The following KIF1A variants were observed in gnomAD, a reference collection of about 807,000 sequenced individuals.
KIF1A encodes kinesin-like protein KIF1A.
KIF1A carries 46 observed loss-of-function variants against 227.3 expected under a neutral mutation model. That is an observed-to-expected ratio of 0.20 (90% confidence interval 0.16 to 0.26). The LOEUF is 0.26. KIF1A is among the 10% of genes least tolerant of loss of function. KIF1A has a pLI of 1.00. For missense variants in KIF1A, 1,683 were observed against 2,485.9 expected (o/e 0.68, Z 6.87); for synonymous variants, 1,022 against 1,012.8 (o/e 1.01, Z -0.17).
chr2:240,792,291 C>T lies in KIF1A; in HGVS notation c.107-2979G>A, dbSNP rs1243523092. On this transcript the variant is annotated intron_variant, in intron 2 of 48. Coordinates refer to ENST00000498729, the MANE Select transcript of KIF1A (RefSeq NM_001244008.2). The surrounding 1 kb of genome is among the most constrained non-coding windows in gnomAD (Gnocchi z 4.5). ...TTTTGCCAGGGTCTGGAATTTTTTC[C>T]TTGTGCAGGTTTGAGGAGGGAGGAG... 6.6e-6 allele frequency among the ~76,000 whole-genome samples: 1 copy of T among 152,012 alleles called. No individual in the cohort carries two copies. The highest frequency in any genetic ancestry group is 1.5e-5 in the Non-Finnish European group (1 of 67,970).
rs1044528243 is a variant in KIF1A at position 240,789,349 on chromosome 2, G to A, written c.107-37C>T. On this transcript the variant is annotated intron_variant, in intron 2 of 48. Coordinates refer to ENST00000498729, the MANE Select transcript of KIF1A (RefSeq NM_001244008.2). The surrounding 1 kb of genome is among the most constrained non-coding windows in gnomAD (Gnocchi z 4.8). Reference sequence around the variant, plus strand: ...AACACAGGTGGTTAGCGCTGTGCTGGGAGGGCCCCTGACTAGCTGGCATCT... The same window carrying A: ...AACACAGGTGGTTAGCGCTGTGCTGAGAGGGCCCCTGACTAGCTGGCATCT... The A allele has an allele frequency of 5.8e-6, 9 of 1,549,966 alleles. No homozygotes were observed. The highest frequency in any genetic ancestry group is 1.4e-5 in the African/African-American group (1 of 73,350).
intron 1 of KIF1A, among the ~76,000 whole-genome samples, chr2:240,807,239 G>A (rs1054694169): frequency 1.3e-4 from 20 of 151,890 alleles, no homozygotes; most frequent in Middle Eastern, 3.4e-3. Context: ...TCTGCCTCCC[G>A]GGTTCAAGCG....
In KIF1A at chr2:240,761,545, G is replaced by T. The variant is rs1008411371; in HGVS notation, c.2117-168C>A. ...TGGTTATCAGGTAACAAGATGGAAG[G>T]CTGGAAGGTTACTCCCCCTGTGGTC... is the stretch of plus-strand genomic sequence containing the variant. On this transcript the variant is annotated intron_variant, in intron 23 of 48. Transcript: ENST00000498729. 6.6e-5 allele frequency among the ~76,000 whole-genome samples: 10 copies of T among 152,312 alleles called. 1 individual carries two copies. The South Asian group carries it at 8.3e-4, about 13-fold the overall frequency.
chr2:240,780,814 A>ACACACACACACAGCTC, intron 10 of KIF1A, among the ~76,000 whole-genome samples: 1 of 91,372 alleles, frequency 1.1e-5, no homozygotes, highest in East Asian at 3.3e-4. Flanking sequence ...ACACACACAC[A>ACACACACACACAGCTC]CACACACACA....
intron 1 of KIF1A, among the ~76,000 whole-genome samples, chr2:240,814,791 C>G (rs1459686805): frequency 6.6e-6 from 1 of 152,130 alleles, no homozygotes; most frequent in Non-Finnish European, 1.5e-5. Context: ...GTGATACATG[C>G]CCATAGTCCC....
At chr2:240,767,149 G>T in intron 18 of KIF1A, 117 bp downstream of exon 18, 2 of 1,120,596 alleles carry the variant, frequency 1.8e-6, no homozygotes, top group Non-Finnish European at 2.6e-6. Context: ...CAGTGGGGTC[G>T]CTGGGGAAGT....
intron 41 of KIF1A, among the ~76,000 whole-genome samples, 177 bp downstream of exon 41, chr2:240,723,798 C>T (rs145086212): frequency 4.6e-5 from 7 of 152,326 alleles, no homozygotes; most frequent in African/African-American, 7.2e-5. Context: ...AGCCAGCAGG[C>T]CTGACTCTCC....
rs1415454148 is a variant in KIF1A at position 240,775,553 on chromosome 2, C to A, written c.958+298G>T. Among the ~76,000 whole-genome samples the A allele has an allele frequency of 6.6e-6, 1 of 152,222 alleles. No individual in the cohort carries two copies. The highest frequency in any genetic ancestry group is 2.4e-5 in the African/African-American group (1 of 41,454). On this transcript the variant is annotated intron_variant, in intron 11 of 48. Transcript: ENST00000498729. This position sits in a 1 kb window ranked among gnomAD's most constrained non-coding sequence, Gnocchi z 5.5. ...ACCAAGGCCCAGAGAAGGATGAGTACTTGGCCTGGGTGTCACAGCCCACCT... is the reference window on the plus strand; with the variant it reads ...ACCAAGGCCCAGAGAAGGATGAGTAATTGGCCTGGGTGTCACAGCCCACCT...
intron 10 of KIF1A, chr2:240,781,956 C>T (rs563535903): frequency 2.0e-6 from 2 of 985,444 alleles, no homozygotes; most frequent in African/African-American, 3.5e-5. Flanking sequence ...ACACAGCCAC[C>T]GCCGAGTTCC....
chr2:240,808,091 G>A (rs1163105829), intron 1 of KIF1A, among the ~76,000 whole-genome samples: 2 of 152,156 alleles, frequency 1.3e-5, no homozygotes, highest in Non-Finnish European at 2.9e-5. Flanking sequence ...TCAGAAACAA[G>A]TCCAGGATGC....
Position 240,740,412 on chromosome 2 carries a change from C to A in KIF1A, c.3750-48G>T. 1 of 1,500,498 alleles carries A rather than the reference C, an allele frequency of 6.7e-7. No individual in the cohort carries two copies. Among genetic ancestry groups the A allele is most frequent in the South Asian group, 1.1e-5 (1 of 88,168 alleles). The allele number at this position is 1,500,498 out of a possible 1,614,324, so 92.9% of individuals were successfully genotyped here. A position where few individuals can be genotyped will look rare whatever the true frequency, so the allele number is the denominator to read the frequency against. On this transcript the variant is annotated intron_variant, in intron 35 of 48. Coordinates refer to ENST00000498729, the MANE Select transcript of KIF1A (RefSeq NM_001244008.2). The surrounding 1 kb of genome is among the most constrained non-coding windows in gnomAD (Gnocchi z 6.1). ...AGGAGCGGCCAGCCCCTCCTCTCTGCCCTCCCCGCAGCACAGGACACAGTG... is the reference window on the plus strand; with the variant it reads ...AGGAGCGGCCAGCCCCTCCTCTCTGACCTCCCCGCAGCACAGGACACAGTG...
At chr2:240,741,498 C>G in intron 34 of KIF1A, 121 bp from the exon 35 acceptor site, 1 of 719,108 alleles carries the variant, frequency 1.4e-6, no homozygotes, top group Non-Finnish European at 2.2e-6. Flanking sequence ...GCACCTCCCC[C>G]TCCTCAAGGG....
intron 38 of KIF1A, chr2:240,728,380 G>A: frequency 6.2e-6 from 8 of 1,300,170 alleles, no homozygotes; most frequent in Middle Eastern, 2.1e-4. Context: ...AGAGAAAAGT[G>A]AGCTGTACCT....
At chr2:240,820,441 C>A (rs929211382), upstream of KIF1A, 9 of 150,976 alleles carry the variant, frequency 6.0e-5, no homozygotes, top group African/African-American at 2.2e-4. This position sits in a 1 kb window ranked among gnomAD's most constrained non-coding sequence, Gnocchi z 6.2. Context: ...GCGGGCCCCG[C>A]GGAGGGTGGG....
At position 240,740,381 on chromosome 2, in the gene KIF1A, C is replaced by T; in HGVS notation, c.3750-17G>A. 1.2e-6 allele frequency: 2 copies of T among 1,612,084 alleles called. No individual in the cohort carries two copies. Among genetic ancestry groups the T allele is most frequent in the Non-Finnish European group, 8.5e-7 (1 of 1,178,306 alleles). On this transcript the variant is annotated splice_polypyrimidine_tract_variant and intron_variant, in intron 35 of 48. Coordinates refer to ENST00000498729, the MANE Select transcript of KIF1A (RefSeq NM_001244008.2). The surrounding 1 kb of genome is among the most constrained non-coding windows in gnomAD (Gnocchi z 6.1). ...GGGATGTAACTGGAAGAGAGAGACA[C>T]ATGTGAGGAGCGGCCAGCCCCTCCT...
At chr2:240,809,889 A>T (rs938040655) in intron 1 of KIF1A, among the ~76,000 whole-genome samples, 17 of 138,410 alleles carry the variant, frequency 1.2e-4, no homozygotes, top group Admixed American at 2.8e-4. Context: ...AGTATAATAA[A>T]AAAAAAAAAA....
rs1004248132 is a variant in KIF1A at position 240,789,331 on chromosome 2, G to A, written c.107-19C>T. Reference sequence around the variant, plus strand: ...ACAATGGCTGTGGGAGGGAACACAGGTGGTTAGCGCTGTGCTGGGAGGGCC... The same window carrying A: ...ACAATGGCTGTGGGAGGGAACACAGATGGTTAGCGCTGTGCTGGGAGGGCC... On this transcript the variant is annotated intron_variant, in intron 2 of 48. Coordinates refer to ENST00000498729, the MANE Select transcript of KIF1A (RefSeq NM_001244008.2). The surrounding 1 kb of genome is among the most constrained non-coding windows in gnomAD (Gnocchi z 4.8). 6.9e-6 allele frequency: 11 copies of A among 1,605,498 alleles called. No homozygotes were observed. The Admixed American group carries it at 8.3e-5, about 12-fold the overall frequency.
At chr2:240,769,747 G>C in intron 15 of KIF1A, 41 bp from the exon 16 acceptor site, 1 of 1,554,392 alleles carries the variant, frequency 6.4e-7, no homozygotes, top group South Asian at 1.1e-5. Flanking sequence ...CCGGGGCTAG[G>C]GCCAAGGGAG....
chr2:240,780,050 G>A (rs1483089288), intron 10 of KIF1A, among the ~76,000 whole-genome samples: 4 of 151,986 alleles, frequency 2.6e-5, no homozygotes, highest in Non-Finnish European at 4.4e-5. Flanking sequence ...TGCCTCAGAC[G>A]GGGGCTCACG....
Sources: allele counts gnomAD v4.1 joint callset (sites outside exome capture counted in the v4.1 genomes callset), GRCh38; gene constraint gnomAD v4.1.1; non-coding constraint Gnocchi (gnomAD v3.1); transcripts MANE v1.5; gene names NCBI Gene and HGNC (gene_info 2026-07-23, HGNC 2026-07-21).